Variants in SORCS3 observed in about 807,000 individuals in gnomAD.
SORCS3 encodes VPS10 domain-containing receptor SorCS3.
SORCS3 carries 57 observed loss-of-function variants against 146.3 expected under a neutral mutation model. That is an observed-to-expected ratio of 0.39 (90% confidence interval 0.31 to 0.49). SORCS3 has a LOEUF of 0.49. Among genes scored for constraint, SORCS3 ranks in the 20% least tolerant of loss-of-function variants. The pLI is 0.92. For missense variants in SORCS3, 1,341 were observed against 1,575.5 expected (o/e 0.85, Z 2.52); for synonymous variants, 653 against 618.5 (o/e 1.06, Z -0.83).
chr10:105,254,456 A>G (rs1158993966), intron 23 of SORCS3, among the ~76,000 whole-genome samples: 1 of 152,002 alleles, frequency 6.6e-6, no homozygotes, highest in Non-Finnish European at 1.5e-5. Flanking sequence ...TCTGTCTCTC[A>G]CTCTCCTCTC....
intron 2 of SORCS3, among the ~76,000 whole-genome samples, chr10:104,871,193 A>G (rs1217931345): frequency 6.6e-6 from 1 of 152,186 alleles, no homozygotes; most frequent in Non-Finnish European, 1.5e-5. Flanking sequence ...CAGTAATCCA[A>G]GAGGTGAGTA....
chr10:104,991,500 TTCC>T (rs1392964317), intron 4 of SORCS3, among the ~76,000 whole-genome samples: 4 of 149,792 alleles, frequency 2.7e-5, no homozygotes, highest in African/African-American at 5.0e-5. Context: ...TTTCCTCTTC[TTCC>T]TTTTTTTTTT....
intron 2 of SORCS3, among the ~76,000 whole-genome samples, chr10:104,890,790 C>T (rs990722448): frequency 6.6e-6 from 1 of 152,184 alleles, no homozygotes; most frequent in African/African-American, 2.4e-5. Context: ...CTGTCCTCCA[C>T]CTACTAAATG....
In SORCS3 at chr10:105,147,739, G is replaced by A. The variant is rs748670521; in HGVS notation, c.1425G>A (p.Met475Ile). The A allele has an allele frequency of 2.5e-6, 4 of 1,613,068 alleles. No homozygotes were observed. In the East Asian group the frequency reaches 8.9e-5, roughly 36 times the overall value. ...DTRGIYFTLAMENIKSSRGLM... is the reference protein window; with the variant it reads ...DTRGIYFTLAIENIKSSRGLM... ...GTGGGATTTACTTCACTCTGGCCAT[G>A]GAGAACATCAAGAGCAGCAGAGGTC... Residue 475 changes from methionine (M) to isoleucine (I), a missense_variant, in exon 9 of 27, where the codon ATG (methionine) becomes ATA (isoleucine). Met to Ile is a conservative substitution (Grantham distance 10). Coordinates refer to ENST00000369701, the MANE Select transcript of SORCS3 (RefSeq NM_014978.3).
At chr10:104,778,561 T>A (rs939007534) in intron 1 of SORCS3, among the ~76,000 whole-genome samples, 2 of 152,204 alleles carry the variant, frequency 1.3e-5, no homozygotes, top group Non-Finnish European at 1.5e-5. Flanking sequence ...TGAGATAACA[T>A]GCATCAAAGC....
chr10:105,028,963 G>A, intron 4 of SORCS3, among the ~76,000 whole-genome samples: 1 of 152,106 alleles, frequency 6.6e-6, no homozygotes. Context: ...AGGCTTTATT[G>A]GCCATCAGAT....
intron 1 of SORCS3, among the ~76,000 whole-genome samples, chr10:104,741,163 G>A (rs1385242307): frequency 7.0e-6 from 1 of 143,522 alleles, no homozygotes; most frequent in South Asian, 2.2e-4. Context: ...TTTTGCCAGG[G>A]TCTTGCTATG....
At chr10:104,858,938 T>TTA (rs1554855004) in intron 2 of SORCS3, among the ~76,000 whole-genome samples, 24 of 138,558 alleles carry the variant, frequency 1.7e-4, no homozygotes, top group South Asian at 6.8e-4. Flanking sequence ...TGTACATTTA[T>TTA]AAAAAAAAAA....
At chr10:105,001,108 A>T (rs2055058188) in intron 4 of SORCS3, among the ~76,000 whole-genome samples, 1 of 152,096 alleles carries the variant, frequency 6.6e-6, no homozygotes, top group African/African-American at 2.4e-5. Flanking sequence ...CTCCTAGATA[A>T]TTTTCAGACT....
At chr10:105,190,910 C>T (rs890750625) in intron 14 of SORCS3, among the ~76,000 whole-genome samples, 1 of 152,132 alleles carries the variant, frequency 6.6e-6, no homozygotes, top group East Asian at 1.9e-4. Context: ...TAATTTATAG[C>T]AATCACTATA....
rs574934129 is a variant in SORCS3, at chr10:105,104,145, C to T, written c.1094-1252C>T. 1.4e-4 allele frequency among the ~76,000 whole-genome samples: 22 copies of T among 152,286 alleles called. No individual in the cohort carries two copies. The South Asian group carries it at 3.5e-3, about 24-fold the overall frequency. On this transcript the variant is annotated intron_variant, in intron 6 of 26. Transcript: ENST00000369701. ...ACTTCCTTCTCTGTAGCCCCTGACACCTCTGCACACATATGTGCACATACA... is the reference window on the plus strand; with the variant it reads ...ACTTCCTTCTCTGTAGCCCCTGACATCTCTGCACACATATGTGCACATACA...
chr10:104,821,080 C>T (rs1347071411), intron 1 of SORCS3, among the ~76,000 whole-genome samples: 4 of 152,176 alleles, frequency 2.6e-5, no homozygotes, highest in African/African-American at 9.6e-5. Flanking sequence ...CTTAGATTTT[C>T]TTAGTATTTG....
At chr10:105,013,071 T>G (rs1432000893) in intron 4 of SORCS3, among the ~76,000 whole-genome samples, 1 of 152,106 alleles carries the variant, frequency 6.6e-6, no homozygotes, top group Non-Finnish European at 1.5e-5. Flanking sequence ...AATCTAAAAG[T>G]GGAATTTAGT....
chr10:104,929,962 A>G (rs6584639), intron 3 of SORCS3, among the ~76,000 whole-genome samples: 43,058 of 152,176 alleles, frequency 0.28, 7,999 homozygotes, highest in African/African-American at 0.53. Flanking sequence ...AATAAAGGAC[A>G]GTGACTGATC....
intron 12 of SORCS3, among the ~76,000 whole-genome samples, chr10:105,166,922 G>C (rs2056319002): frequency 6.6e-6 from 1 of 152,160 alleles, no homozygotes; most frequent in Non-Finnish European, 1.5e-5. Flanking sequence ...TAGCTGGAAA[G>C]ATAGGGAAGT....
chr10:105,066,560 A>G (rs1430628162), intron 5 of SORCS3, among the ~76,000 whole-genome samples: 1 of 152,068 alleles, frequency 6.6e-6, no homozygotes, highest in Non-Finnish European at 1.5e-5. Flanking sequence ...ACCTTACTGT[A>G]TTTGACACTA....
intron 3 of SORCS3, among the ~76,000 whole-genome samples, chr10:104,966,728 G>A (rs900467722): frequency 1.3e-5 from 2 of 152,108 alleles, no homozygotes; most frequent in Admixed American, 6.5e-5. Context: ...GCAAGAAAGG[G>A]TGCATTGTGG....
intron 2 of SORCS3, among the ~76,000 whole-genome samples, chr10:104,871,401 G>A (rs978478220): frequency 2.6e-5 from 4 of 152,158 alleles, no homozygotes; most frequent in African/African-American, 9.7e-5. Context: ...TTCATCAGTG[G>A]TGCAGTGTCC....
At chr10:105,242,534 A>ATATATTTATATATT (rs2056835313) in intron 20 of SORCS3, among the ~76,000 whole-genome samples, 1 of 89,314 alleles carries the variant, frequency 1.1e-5, no homozygotes, top group African/African-American at 4.6e-5. Context: ...ATATATATTT[A>ATATATTTATATATT]TATATATTTA....
Sources: allele counts gnomAD v4.1 joint callset (sites outside exome capture counted in the v4.1 genomes callset), GRCh38; gene constraint gnomAD v4.1.1; transcripts MANE v1.5; gene names NCBI Gene and HGNC (gene_info 2026-07-23, HGNC 2026-07-21).